Variants in RNF216 observed in about 807,000 individuals in gnomAD.
RNF216 encodes the protein ring finger protein 216, also known as E3 ubiquitin-protein ligase RNF216.
Under a neutral mutation model 110.8 loss-of-function variants are expected in RNF216, and 72 were observed. The observed-to-expected ratio is 0.65, with a 90% CI of 0.54 to 0.79. The LOEUF (loss-of-function observed/expected upper bound fraction) is 0.79. Among genes scored for constraint, RNF216 ranks in the 30% least tolerant of loss-of-function variants. The pLI is 0.00. For synonymous variants in RNF216, 495 were observed against 407.5 expected, an observed-to-expected ratio of 1.21 and a Z score of -2.59; for missense variants, 1,342 against 1,141.2, an observed-to-expected ratio of 1.18 and a Z score of -2.54.
intron 1 of RNF216, among the ~76,000 whole-genome samples, chr7:5,776,194 T>C (rs531201684): frequency 4.6e-5 from 7 of 152,170 alleles, no homozygotes; most frequent in Non-Finnish European, 1.0e-4. Flanking sequence ...GAATTGGTTA[T>C]GCATCATCGG....
chr7:5,680,907 T>C lies in RNF216; in HGVS notation c.2062-28397A>G, dbSNP rs2128605064. Among the ~76,000 whole-genome samples the C allele has an allele frequency of 6.6e-6, 1 of 152,090 alleles. No individual in the cohort carries two copies. Among genetic ancestry groups the C allele is most frequent in the East Asian group, 1.9e-4 (1 of 5,172 alleles). On this transcript the variant is annotated intron_variant, in intron 13 of 16. Coordinates refer to ENST00000389902, the MANE Select transcript of RNF216 (RefSeq NM_207111.4). The surrounding 1 kb of genome is among the most constrained non-coding windows in gnomAD (Gnocchi z 4.3). ...TTCCGCCTCCAAAATGCACCTCACA[T>C]CTAACCCACTCCTATCTGGGTCCAA... is the stretch of plus-strand genomic sequence containing the variant.
chr7:5,748,653 C>T (rs905028010), intron 3 of RNF216, among the ~76,000 whole-genome samples: 9 of 138,234 alleles, frequency 6.5e-5, no homozygotes, highest in Middle Eastern at 7.5e-3. Context: ...CACACACACA[C>T]ACACATAATA....
At chr7:5,752,713 G>A (rs886283986) in intron 3 of RNF216, 133 bp downstream of exon 3, 7 of 782,190 alleles carry the variant, frequency 8.9e-6, no homozygotes, top group Non-Finnish European at 1.2e-5. Context: ...AGTACACGAG[G>A]TAGAATGGAA....
At chr7:5,650,755 A>G (rs915764413) in intron 14 of RNF216, among the ~76,000 whole-genome samples, 1 of 152,062 alleles carries the variant, frequency 6.6e-6, no homozygotes, top group Non-Finnish European at 1.5e-5. Context: ...TTGTAATTAG[A>G]CTGGGTCTAC....
intron 13 of RNF216, among the ~76,000 whole-genome samples, chr7:5,709,994 TCCTCCTGC>T (rs1792563576): frequency 6.6e-6 from 1 of 152,092 alleles, no homozygotes; most frequent in Non-Finnish European, 1.5e-5. Flanking sequence ...TCTCAAGAGA[TCCTCCTGC>T]CTCAGCCTCT....
At chr7:5,689,560 T>C (rs1338879691) in intron 13 of RNF216, among the ~76,000 whole-genome samples, 1 of 152,132 alleles carries the variant, frequency 6.6e-6, no homozygotes, top group Admixed American at 6.5e-5. Flanking sequence ...CCTTTTCTCT[T>C]GGACTTCCTA....
chr7:5,780,944 G>A (rs1712527567), intron 1 of RNF216, among the ~76,000 whole-genome samples: 1 of 152,198 alleles, frequency 6.6e-6, no homozygotes, highest in Admixed American at 6.5e-5. Flanking sequence ...GGGGACAGCG[G>A]CCTCGCTCGC....
Position 5,669,065 on chromosome 7 carries a change from G to A in RNF216, c.2062-16555C>T, listed in dbSNP as rs111617382. On this transcript the variant is annotated intron_variant, in intron 13 of 16. Coordinates refer to ENST00000389902, the MANE Select transcript of RNF216 (RefSeq NM_207111.4). ...AAAGAGCATTAGAGAGTATTTCAACGCAGGCAGGTGGCTACAGATGGCCCC... is the reference window on the plus strand; with the variant it reads ...AAAGAGCATTAGAGAGTATTTCAACACAGGCAGGTGGCTACAGATGGCCCC... Among the ~76,000 whole-genome samples the A allele has an allele frequency of 3.3e-3, 508 of 152,280 alleles. 1 individual carries two copies. The highest frequency in any genetic ancestry group is 5.5e-3 in the Non-Finnish European group (376 of 68,026).
intron 13 of RNF216, among the ~76,000 whole-genome samples, chr7:5,675,162 C>T (rs561262762): frequency 1.4e-4 from 21 of 152,114 alleles, no homozygotes; most frequent in Admixed American, 1.3e-3. Context: ...GATTCTGGAA[C>T]GCTCAAATAA....
intron 13 of RNF216, among the ~76,000 whole-genome samples, chr7:5,678,508 T>G (rs115769502): frequency 6.6e-6 from 1 of 152,274 alleles, no homozygotes; most frequent in African/African-American, 2.4e-5. Context: ...GGAAAATGGC[T>G]CTGGGCCCGC....
chr7:5,740,779 AAGTAT>A (rs967773161), intron 4 of RNF216, among the ~76,000 whole-genome samples, 189 bp downstream of exon 4: 1 of 152,130 alleles, frequency 6.6e-6, no homozygotes, highest in Non-Finnish European at 1.5e-5. Context: ...CCTGAAGGTT[AAGTAT>A]AGTAAAGGAA....
At chr7:5,634,159 C>G (rs1787253076) in intron 15 of RNF216, among the ~76,000 whole-genome samples, 1 of 152,182 alleles carries the variant, frequency 6.6e-6, no homozygotes, top group Non-Finnish European at 1.5e-5. Flanking sequence ...TTCTGGTCCC[C>G]AGGGCTGGCT....
At chr7:5,765,463 C>G (rs1796154391) in intron 1 of RNF216, among the ~76,000 whole-genome samples, 1 of 150,920 alleles carries the variant, frequency 6.6e-6, no homozygotes, top group African/African-American at 2.4e-5. Context: ...GACTCCATCT[C>G]AAAAAATAAA....
At chr7:5,725,460 G>A (rs770601544) in intron 7 of RNF216, 22 bp from the exon 8 acceptor site, 2 of 1,345,042 alleles carry the variant, frequency 1.5e-6, no homozygotes, top group African/African-American at 1.5e-5. Flanking sequence ...GAAAAGGAAA[G>A]GTTCCTTCTG....
chr7:5,737,276 A>T (rs1794476942), intron 5 of RNF216, among the ~76,000 whole-genome samples: 1 of 152,168 alleles, frequency 6.6e-6, no homozygotes, highest in Non-Finnish European at 1.5e-5. Context: ...GTTAAATGGA[A>T]TAAGGGCGGT....
intron 15 of RNF216, among the ~76,000 whole-genome samples, chr7:5,633,533 T>A (rs1015894255): frequency 6.6e-6 from 1 of 151,950 alleles, no homozygotes; most frequent in African/African-American, 2.4e-5. Flanking sequence ...CGAGATCACA[T>A]CACTGCACTC....
chr7:5,728,840 G>A (rs192170596), intron 7 of RNF216, among the ~76,000 whole-genome samples: 13 of 152,326 alleles, frequency 8.5e-5, no homozygotes, highest in Admixed American at 1.3e-4. Flanking sequence ...CTGCTGGTGC[G>A]TGCGCTCCTG....
intron 13 of RNF216, among the ~76,000 whole-genome samples, chr7:5,693,806 GCCAGGCAGC>G (rs1264482062): frequency 6.6e-6 from 1 of 152,134 alleles, no homozygotes; most frequent in Admixed American, 6.5e-5. Flanking sequence ...GTCACCCATG[GCCAGGCAGC>G]CCAGGCATGC....
intron 14 of RNF216, among the ~76,000 whole-genome samples, chr7:5,646,958 C>T (rs963198418): frequency 5.3e-5 from 8 of 152,124 alleles, no homozygotes; most frequent in African/African-American, 1.9e-4. Context: ...TTTTTCTGAG[C>T]ATGTGTTGAG....
Sources: allele counts gnomAD v4.1 joint callset (sites outside exome capture counted in the v4.1 genomes callset), GRCh38; gene constraint gnomAD v4.1.1; non-coding constraint Gnocchi (gnomAD v3.1); transcripts MANE v1.5; gene names NCBI Gene and HGNC (gene_info 2026-07-23, HGNC 2026-07-21).